Variants in ASXL3 observed in about 807,000 individuals in gnomAD.
The protein encoded by ASXL3 is putative Polycomb group protein ASXL3.
ASXL3 carries 34 observed loss-of-function variants against 170.6 expected under a neutral mutation model. The ratio of observed to expected loss-of-function variants is 0.20; its 90% CI spans 0.15 to 0.27. ASXL3 has a LOEUF of 0.27. Ranked by LOEUF, ASXL3 falls within the 10% of genes least tolerant of loss-of-function variation. The pLI, the probability that ASXL3 is intolerant of heterozygous loss-of-function variation, is 1.00. For synonymous variants in ASXL3, 1,002 were observed against 989.1 expected, an observed-to-expected ratio of 1.01 and a Z score of -0.24; for missense variants, 2,592 against 2,695.3, an observed-to-expected ratio of 0.96 and a Z score of 0.85.
intron 8 of ASXL3, among the ~76,000 whole-genome samples, chr18:33,716,834 T>C (rs2067172506): frequency 6.6e-6 from 1 of 151,290 alleles, no homozygotes; most frequent in South Asian, 2.1e-4. Flanking sequence ...TTACTCAGTG[T>C]AATACTTTCT....
chr18:33,737,955 C>T (rs1325904538), intron 10 of ASXL3, among the ~76,000 whole-genome samples: 5 of 151,962 alleles, frequency 3.3e-5, no homozygotes, highest in African/African-American at 4.8e-5. Context: ...ATATTTTATA[C>T]GTTATTTTGC....
intron 8 of ASXL3, among the ~76,000 whole-genome samples, chr18:33,689,647 G>A (rs770179475): frequency 9.9e-5 from 15 of 152,182 alleles, no homozygotes; most frequent in African/African-American, 2.4e-4. Context: ...ATGATGTTGC[G>A]TTCTTCTTGC....
chr18:33,713,396 T>C (rs1256366212), intron 8 of ASXL3, among the ~76,000 whole-genome samples: 1 of 148,738 alleles, frequency 6.7e-6, no homozygotes, highest in Non-Finnish European at 1.5e-5. Flanking sequence ...TAGCTGAGAT[T>C]ACAGGCACCT....
chr18:33,596,321 C>A (rs1380651839), intron 1 of ASXL3, among the ~76,000 whole-genome samples: 1 of 152,104 alleles, frequency 6.6e-6, no homozygotes, highest in Non-Finnish European at 1.5e-5. Context: ...ATGTCTCCAG[C>A]AATGGTAATG....
intron 8 of ASXL3, among the ~76,000 whole-genome samples, chr18:33,726,956 C>T (rs993959731): frequency 3.9e-5 from 6 of 152,288 alleles, no homozygotes; most frequent in East Asian, 1.9e-4. Flanking sequence ...ATATTCTCTT[C>T]GCTTGGCTGT....
chr18:33,663,456 T>G (rs904352977), intron 5 of ASXL3, among the ~76,000 whole-genome samples: 1 of 152,178 alleles, frequency 6.6e-6, no homozygotes, highest in Non-Finnish European at 1.5e-5. Context: ...TTGAACATTT[T>G]TTACGATTAC....
At chr18:33,726,969 C>G (rs1046884449) in intron 8 of ASXL3, among the ~76,000 whole-genome samples, 1 of 152,174 alleles carries the variant, frequency 6.6e-6, no homozygotes, top group African/African-American at 2.4e-5. Flanking sequence ...TTGGCTGTTT[C>G]CCAGCTAGCT....
intron 4 of ASXL3, chr18:33,649,478 T>G (rs2065964206): frequency 6.6e-6 from 1 of 152,078 alleles, no homozygotes; most frequent in Admixed American, 6.6e-5. Flanking sequence ...ATAGAAAATA[T>G]TTGTCTGAGA....
At position 33,687,446 on chromosome 18, in the gene ASXL3, C is replaced by T. The variant is rs145311973; in HGVS notation, c.879+3878C>T. 3.3e-3 allele frequency among the ~76,000 whole-genome samples: 497 copies of T among 152,274 alleles called. 4 individuals are homozygous for T. Among genetic ancestry groups the T allele is most frequent in the African/African-American group, 0.011 (469 of 41,546 alleles). ...TGTGAAATACCTAAAATTTCAATTACATCTTCACATATTTTACAAAATCTG... is the reference window on the plus strand; with the variant it reads ...TGTGAAATACCTAAAATTTCAATTATATCTTCACATATTTTACAAAATCTG... On this transcript the variant is annotated intron_variant, in intron 8 of 11. Transcript: ENST00000269197.
At chr18:33,598,754 A>T (rs533422310) in intron 1 of ASXL3, among the ~76,000 whole-genome samples, 1 of 152,320 alleles carries the variant, frequency 6.6e-6, no homozygotes, top group Non-Finnish European at 1.5e-5. Flanking sequence ...CGATGACAAG[A>T]CACTGTAAGA....
Position 33,738,624 on chromosome 18 carries a change from G to T in ASXL3, c.1220G>T (p.Ser407Ile). ...GCCTTGGCAGAACAACAGCCAAAAA[G>T]CATGAAAAGCCCAGCTTCTCCAGAG... ...QTALAEQQPK[S>I]MKSPASPEPG... The change falls in exon 11 of 12, where the codon AGC becomes ATC. Residue 407 changes from serine to isoleucine, a missense_variant. Physicochemically the swap from Ser to Ile is moderately radical, Grantham distance 142. Around this residue, in one of 4 missense-constraint regions of ASXL3, gnomAD observed 2,246 missense variants for 2,219.6 expected, o/e 1.01. Coordinates refer to ENST00000269197, the MANE Select transcript of ASXL3 (RefSeq NM_030632.3). 1 of 1,613,920 alleles carries T rather than the reference G, an allele frequency of 6.2e-7. No individual in the cohort carries two copies. The highest frequency in any genetic ancestry group is 8.5e-7 in the Non-Finnish European group (1 of 1,179,852).
At chr18:33,691,759 GC>G (rs1319763230) in intron 8 of ASXL3, among the ~76,000 whole-genome samples, 1 of 152,114 alleles carries the variant, frequency 6.6e-6, no homozygotes, top group Non-Finnish European at 1.5e-5. Context: ...TTTAGAGAAG[GC>G]TTGAAAGGGG....
At chr18:33,626,758 A>AAT (rs978550459) in intron 2 of ASXL3, 5 of 152,060 alleles carry the variant, frequency 3.3e-5, no homozygotes, top group Admixed American at 6.6e-5. Context: ...TTGAGAAGGC[A>AAT]ATATATATAT....
rs566167064 is a variant in ASXL3, at chr18:33,711,929, A to T, written c.880-20039A>T. On this transcript the variant is annotated intron_variant, in intron 8 of 11. Coordinates refer to ENST00000269197, the MANE Select transcript of ASXL3 (RefSeq NM_030632.3). ...TGCTGGAAAAAATGGTGATAATGTC[A>T]TAAAATATGCAATCTTTATTTCTTA... is the stretch of plus-strand genomic sequence containing the variant. 2.4e-4 allele frequency among the ~76,000 whole-genome samples: 36 copies of T among 152,348 alleles called. 1 individual carries two copies. The highest frequency in any genetic ancestry group is 6.8e-3 in the Middle Eastern group (2 of 294).
rs533378402 is a variant in ASXL3, at chr18:33,739,408, T to C, written c.2004T>C (p.Thr668=). ...ACAAATACAACCAGAGAAATTCCACTGATGAAAACTTTCATGCATCTTTGA... is the reference window on the plus strand; with the variant it reads ...ACAAATACAACCAGAGAAATTCCACCGATGAAAACTTTCATGCATCTTTGA... ...NTDKYNQRNS[T]DENFHASLMS... Residue 668 remains threonine (T), a synonymous_variant, in exon 11 of 12, where the codon ACT becomes ACC. Transcript: ENST00000269197. The C allele has an allele frequency of 2.5e-6, 4 of 1,613,892 alleles. No homozygotes were observed. Among genetic ancestry groups the C allele is most frequent in the East Asian group, 2.2e-5 (1 of 44,884 alleles).
chr18:33,619,999 A>G (rs1168840825), intron 2 of ASXL3, among the ~76,000 whole-genome samples: 1 of 152,140 alleles, frequency 6.6e-6, no homozygotes, highest in Non-Finnish European at 1.5e-5. Flanking sequence ...GCATGACTGC[A>G]TCCTTTAGGA....
intron 4 of ASXL3, among the ~76,000 whole-genome samples, chr18:33,653,482 T>C (rs1451054890): frequency 6.6e-6 from 1 of 152,160 alleles, no homozygotes. Context: ...GTGAGAATTA[T>C]GTTGTTTTAG....
chr18:33,684,403 A>C (rs937096480), intron 8 of ASXL3, among the ~76,000 whole-genome samples: 4 of 152,156 alleles, frequency 2.6e-5, no homozygotes, highest in Admixed American at 1.3e-4. Flanking sequence ...CAATATTTCC[A>C]TATTACTTTG....
chr18:33,735,488 A>T (rs949589067), intron 10 of ASXL3, among the ~76,000 whole-genome samples: 42 of 152,326 alleles, frequency 2.8e-4, no homozygotes, highest in African/African-American at 1.0e-3. Flanking sequence ...AAGATTAAAA[A>T]TGTGACAAGC....
Sources: allele counts gnomAD v4.1 joint callset (sites outside exome capture counted in the v4.1 genomes callset), GRCh38; gene constraint gnomAD v4.1.1; regional missense constraint gnomAD v4.1.1; transcripts MANE v1.5; gene names NCBI Gene and HGNC (gene_info 2026-07-23, HGNC 2026-07-21).